SLC35D2: variants seen among roughly 807,000 people sequenced by gnomAD.
The protein encoded by SLC35D2 is nucleotide sugar transporter SLC35D2.
In SLC35D2, 43 loss-of-function variants were observed where a neutral mutation model predicts 41.8. That is an observed-to-expected ratio of 1.03 (90% CI 0.81 to 1.33). The LOEUF (loss-of-function observed/expected upper bound fraction) is 1.33, where lower values mean the gene tolerates loss of function less well. Ranked by LOEUF, SLC35D2 falls within the 40% of genes most tolerant of loss-of-function variation. The pLI, the probability that SLC35D2 is intolerant of heterozygous loss-of-function variation, is 0.00. For missense variants in SLC35D2, 380 were observed against 408.4 expected, an observed-to-expected ratio of 0.93 and a Z score of 0.60; for synonymous variants, 150 against 163.9, an observed-to-expected ratio of 0.92 and a Z score of 0.65.
At chr9:96,379,197 C>T (rs920616610) in intron 1 of SLC35D2, among the ~76,000 whole-genome samples, 1 of 151,458 alleles carries the variant, frequency 6.6e-6, no homozygotes, top group Non-Finnish European at 1.5e-5. Context: ...GTCTCAGCTA[C>T]TCAGGAGGCT....
intron 1 of SLC35D2, among the ~76,000 whole-genome samples, chr9:96,380,359 C>T (rs1831144922): frequency 6.6e-6 from 1 of 152,150 alleles, no homozygotes; most frequent in Non-Finnish European, 1.5e-5. Flanking sequence ...ACCCTGCTCA[C>T]TCAGGTGCAC....
At chr9:96,334,745 A>C (rs1218224722) in intron 9 of SLC35D2, among the ~76,000 whole-genome samples, 1 of 152,214 alleles carries the variant, frequency 6.6e-6, no homozygotes. Flanking sequence ...CTGCATGCTT[A>C]AATTCTCAAG....
Position 96,352,741 on chromosome 9 carries a change from T to C in SLC35D2, c.348-632A>G, listed in dbSNP as rs73536855. ...TCAAGTCAGGCCTATGCGTCATCAT[T>C]AAATAGTCCTGACCGACTGGGCACC... is the stretch of plus-strand genomic sequence containing the variant. On this transcript the variant is annotated intron_variant, in intron 4 of 11. Transcript: ENST00000253270. Among the ~76,000 whole-genome samples the C allele has an allele frequency of 2.5e-3, 376 of 152,104 alleles. 1 individual carries two copies. Among genetic ancestry groups the C allele is most frequent in the African/African-American group, 8.4e-3 (351 of 41,548 alleles).
chr9:96,334,362 G>C (rs1828952836), intron 9 of SLC35D2, among the ~76,000 whole-genome samples: 1 of 152,216 alleles, frequency 6.6e-6, no homozygotes, highest in South Asian at 2.1e-4. Flanking sequence ...AATGGGCCGG[G>C]TGTGGCGGCT....
chr9:96,371,474 C>CCAAAAAAAAAAA (rs1830675643), intron 1 of SLC35D2, among the ~76,000 whole-genome samples: 1 of 46,644 alleles, frequency 2.1e-5, no homozygotes, highest in Non-Finnish European at 3.8e-5. Context: ...GACTCTGTCT[C>CCAAAAAAAAAAA]AAAAAAAAAA....
At chr9:96,332,902 A>AT (rs201907613) in intron 9 of SLC35D2, among the ~76,000 whole-genome samples, 18,976 of 142,718 alleles carry the variant, frequency 0.13, 1,586 homozygotes, top group East Asian at 0.28. Context: ...ACCTTTGCGA[A>AT]TTTTTTTTTT....
At position 96,356,790 on chromosome 9, in the gene SLC35D2, G is replaced by A. The variant is rs148488683; in HGVS notation, c.347+3364C>T. ...CTTGGGAGGCTGAGGTGGGAGGATC[G>A]CTTGAGCCTGGGAGGTCAAGGCTGC... On this transcript the variant is annotated intron_variant, in intron 4 of 11. Coordinates refer to ENST00000253270, the MANE Select transcript of SLC35D2 (RefSeq NM_007001.3). 9.5e-3 allele frequency among the ~76,000 whole-genome samples: 1,441 copies of A among 151,982 alleles called. 13 individuals carry two copies. The highest frequency in any genetic ancestry group is 0.015 in the Non-Finnish European group (986 of 67,886).
At chr9:96,359,026 C>T (rs1002553656) in intron 4 of SLC35D2, among the ~76,000 whole-genome samples, 2 of 150,378 alleles carry the variant, frequency 1.3e-5, no homozygotes, top group Non-Finnish European at 3.0e-5. Flanking sequence ...TAACAGTGGC[C>T]GGGTGCGGTG....
chr9:96,321,961 T>A, intron 11 of SLC35D2, 37 bp downstream of exon 11: 1 of 1,212,806 alleles, frequency 8.2e-7, no homozygotes, highest in Non-Finnish European at 1.2e-6. Context: ...AAGGTTCTTG[T>A]CTTCCCAAAG....
intron 9 of SLC35D2, among the ~76,000 whole-genome samples, chr9:96,324,719 C>CA (rs1447974410): frequency 6.6e-6 from 1 of 151,728 alleles, no homozygotes; most frequent in Non-Finnish European, 1.5e-5. Context: ...TACCCAGCTA[C>CA]TTTTTTTTGT....
intron 11 of SLC35D2, among the ~76,000 whole-genome samples, chr9:96,315,357 A>G (rs1419542164): frequency 6.6e-6 from 1 of 151,862 alleles, no homozygotes; most frequent in African/African-American, 2.4e-5. Flanking sequence ...CCTGGGTTCA[A>G]GCAATCCATC....
intron 1 of SLC35D2, among the ~76,000 whole-genome samples, chr9:96,377,687 G>A (rs1443686608): frequency 6.6e-6 from 1 of 152,238 alleles, no homozygotes; most frequent in African/African-American, 2.4e-5. Flanking sequence ...TGGGAAGCAA[G>A]GTTCAGGAGA....
At chr9:96,382,512 A>G (rs1042868201) in intron 1 of SLC35D2, among the ~76,000 whole-genome samples, 18 of 150,742 alleles carry the variant, frequency 1.2e-4, no homozygotes, top group African/African-American at 4.2e-4. Context: ...ATATATATAT[A>G]TATATGCCTG....
chr9:96,353,870 C>T (rs929474452), intron 4 of SLC35D2, among the ~76,000 whole-genome samples: 1 of 152,160 alleles, frequency 6.6e-6, no homozygotes. Context: ...CGACCCTGAG[C>T]GGCCGATGAG....
chr9:96,322,716 G>GTTTTTT (rs1564082381), intron 10 of SLC35D2, among the ~76,000 whole-genome samples: 8 of 92,290 alleles, frequency 8.7e-5, no homozygotes, highest in African/African-American at 3.9e-4. Flanking sequence ...GGTTTTCTGG[G>GTTTTTT]GTTTTTTTTT....
intron 4 of SLC35D2, among the ~76,000 whole-genome samples, chr9:96,354,380 T>C (rs556834181): frequency 2.0e-5 from 3 of 152,272 alleles, no homozygotes; most frequent in East Asian, 3.9e-4. Flanking sequence ...TAAAAATTAT[T>C]AGAACCACAA....
intron 9 of SLC35D2, among the ~76,000 whole-genome samples, chr9:96,326,821 A>G (rs1828556230): frequency 6.6e-6 from 1 of 151,692 alleles, no homozygotes. Context: ...AAAAAAAAAA[A>G]GAAAATCCAA....
chr9:96,368,364 C>A, intron 1 of SLC35D2, 59 bp from the exon 2 acceptor site: 2 of 1,250,664 alleles, frequency 1.6e-6, no homozygotes, highest in Admixed American at 2.2e-5. Flanking sequence ...GAAGATAGTA[C>A]ATAATAAATA....
Position 96,363,115 on chromosome 9 carries a change from C to T in SLC35D2, c.279+1349G>A, listed in dbSNP as rs567091171. ...ATCTCTTGAACTCGTGATCTGCCTG[C>T]CTTGGCCTCCCGAAGTGCTGGGATT... On this transcript the variant is annotated intron_variant, in intron 3 of 11. Coordinates refer to ENST00000253270, the MANE Select transcript of SLC35D2 (RefSeq NM_007001.3). 2.1e-3 allele frequency among the ~76,000 whole-genome samples: 312 copies of T among 152,106 alleles called. 2 individuals are homozygous for T. Among genetic ancestry groups the T allele is most frequent in the Non-Finnish European group, 3.8e-3 (259 of 67,986 alleles).
Sources: allele counts gnomAD v4.1 joint callset (sites outside exome capture counted in the v4.1 genomes callset), GRCh38; gene constraint gnomAD v4.1.1; transcripts MANE v1.5; gene names NCBI Gene and HGNC (gene_info 2026-07-23, HGNC 2026-07-21).